FBXO46: variants seen among roughly 807,000 people sequenced by gnomAD.
FBXO46 encodes F-box only protein 46.
FBXO46 carries 13 observed loss-of-function variants against 30.7 expected under a neutral mutation model. That is an observed-to-expected ratio of 0.42 (90% CI 0.28 to 0.67). FBXO46 has a LOEUF of 0.67. FBXO46 is among the 30% of genes least tolerant of loss of function. FBXO46 has a pLI of 0.21. For missense variants in FBXO46, 754 were observed against 871.5 expected (o/e 0.87, Z 1.70); for synonymous variants, 467 against 385.8 (o/e 1.21, Z -2.47).
intron 1 of FBXO46, among the ~76,000 whole-genome samples, chr19:45,722,024 A>G (rs1968179078): frequency 6.6e-6 from 1 of 151,980 alleles, no homozygotes; most frequent in Non-Finnish European, 1.5e-5. Context: ...GGGTTTCACC[A>G]TGTTGGCCAG....
chr19:45,717,751 A>G (rs1458882034), intron 1 of FBXO46, among the ~76,000 whole-genome samples: 1 of 131,290 alleles, frequency 7.6e-6, no homozygotes, highest in Non-Finnish European at 1.6e-5. Context: ...CGGAGAGATC[A>G]GAGTATCCAG....
Position 45,712,951 on chromosome 19 carries a change from C to T in FBXO46, c.545G>A (p.Arg182Gln), listed in dbSNP as rs1968019586. The T allele has an allele frequency of 3.8e-6, 6 of 1,589,696 alleles. No homozygotes were observed. Among genetic ancestry groups the T allele is most frequent in the Non-Finnish European group, 5.1e-6 (6 of 1,167,870 alleles). Residue 182 changes from arginine (R) to glutamine (Q), a missense_variant, in exon 2 of 2, where the codon CGG (arginine) becomes CAG (glutamine). Arg to Gln is a conservative substitution (Grantham distance 43). This residue lies in a region of FBXO46 where 454 missense variants were observed against 426.5 expected (regional missense o/e 1.06). Coordinates refer to ENST00000317683, the MANE Select transcript of FBXO46 (RefSeq NM_001080469.2). This position sits in a 1 kb window ranked among gnomAD's most constrained non-coding sequence, Gnocchi z 8.8. ...VAEMVALVEQRAALALQSYPR... is the reference protein window; with the variant it reads ...VAEMVALVEQQAALALQSYPR... Reference sequence around the variant, plus strand: ...GTAGCTCTGCAGGGCCAGGGCTGCCCGCTGTTCCACCAGGGCCACCATCTC... The same window carrying T: ...GTAGCTCTGCAGGGCCAGGGCTGCCTGCTGTTCCACCAGGGCCACCATCTC...
intron 1 of FBXO46, chr19:45,716,561 A>T (rs1968092910): frequency 6.6e-6 from 1 of 152,158 alleles, no homozygotes; most frequent in Admixed American, 6.6e-5. Context: ...CTCTCCCGGA[A>T]TCCTATACTC....
At chr19:45,730,146 T>C (rs572318475) in intron 1 of FBXO46, among the ~76,000 whole-genome samples, 12 of 152,174 alleles carry the variant, frequency 7.9e-5, no homozygotes, top group African/African-American at 2.9e-4. Context: ...AATGCTGTAC[T>C]TCTCATAGGG....
upstream of FBXO46, among the ~76,000 whole-genome samples, chr19:45,731,557 C>T (rs1001895352): frequency 1.3e-5 from 2 of 151,662 alleles, no homozygotes; most frequent in East Asian, 2.0e-4. Context: ...CCTCATGATC[C>T]ACCCGCCTCG....
intron 1 of FBXO46, among the ~76,000 whole-genome samples, chr19:45,718,897 G>A (rs192343797): frequency 1.3e-4 from 19 of 151,368 alleles, no homozygotes; most frequent in African/African-American, 4.4e-4. Flanking sequence ...AAACTGGCTG[G>A]GAAAACACGA....
At chr19:45,725,099 T>C (rs1968220090) in intron 1 of FBXO46, among the ~76,000 whole-genome samples, 1 of 152,048 alleles carries the variant, frequency 6.6e-6, no homozygotes, top group Non-Finnish European at 1.5e-5. Flanking sequence ...TACTCCAGCC[T>C]GGGCAACAGA....
upstream of FBXO46, among the ~76,000 whole-genome samples, chr19:45,731,437 C>T (rs1968310979): frequency 6.6e-6 from 1 of 151,746 alleles, no homozygotes; most frequent in African/African-American, 2.4e-5. Context: ...CTGCCTGAGC[C>T]TCCTGAGTAG....
At chr19:45,732,900 T>G (rs1968344906), upstream of FBXO46, among the ~76,000 whole-genome samples, 1 of 151,884 alleles carries the variant, frequency 6.6e-6, no homozygotes, top group Non-Finnish European at 1.5e-5. Flanking sequence ...TTTCCCAACG[T>G]ATTGTTCTCT....
At chr19:45,727,638 G>C (rs1429689837) in intron 1 of FBXO46, among the ~76,000 whole-genome samples, 1 of 151,904 alleles carries the variant, frequency 6.6e-6, no homozygotes, top group Non-Finnish European at 1.5e-5. Flanking sequence ...AACAGAAGCA[G>C]GGTTTTGACC....
intron 1 of FBXO46, among the ~76,000 whole-genome samples, chr19:45,725,331 C>T (rs537186263): frequency 6.4e-4 from 98 of 152,032 alleles, no homozygotes; most frequent in African/African-American, 2.3e-3. Context: ...GAGAGGATGG[C>T]GTAAGATCAG....
At position 45,713,936 on chromosome 19, in the gene FBXO46, C is replaced by A. The variant is rs1968045360; in HGVS notation, c.-78-363G>T. Reference sequence around the variant, plus strand: ...CGAGACCAGATGGCACCATTACACTCCAGCCTGGGCGACAAGAGCGAAACT... The same window carrying A: ...CGAGACCAGATGGCACCATTACACTACAGCCTGGGCGACAAGAGCGAAACT... On this transcript the variant is annotated intron_variant, in intron 1 of 1. Transcript: ENST00000317683. This position sits in a 1 kb window ranked among gnomAD's most constrained non-coding sequence, Gnocchi z 4.7. 6.8e-6 allele frequency among the ~76,000 whole-genome samples: 1 copy of A among 147,464 alleles called. No homozygotes were observed. Among genetic ancestry groups the A allele is most frequent in the Admixed American group, 6.8e-5 (1 of 14,620 alleles).
At chr19:45,715,824 A>AG (rs1968083307) in intron 1 of FBXO46, 1 of 149,966 alleles carries the variant, frequency 6.7e-6, no homozygotes, top group South Asian at 2.1e-4. Flanking sequence ...AAAAAAAAAA[A>AG]AAGAAAGAAA....
chr19:45,720,443 A>T (rs894616206), intron 1 of FBXO46, among the ~76,000 whole-genome samples: 14 of 151,822 alleles, frequency 9.2e-5, no homozygotes, highest in Admixed American at 3.9e-4. Context: ...TAATATTTGT[A>T]TTTTTAGTAG....
intron 1 of FBXO46, among the ~76,000 whole-genome samples, chr19:45,722,712 A>C (rs997876261): frequency 6.6e-6 from 1 of 151,316 alleles, no homozygotes; most frequent in African/African-American, 2.4e-5. Flanking sequence ...CAGTGAGCCG[A>C]GATTGCGCCA....
Position 45,712,550 on chromosome 19 carries a change from G to C in FBXO46, c.946C>G (p.Arg316Gly). ...CDLYQLISPS[R>G]DALPSNVEFL... ...TCCACGTTGCTGGGGAGGGCATCCC[G>C]CGAGGGGCTGATGAGCTGGTATAAG... The change falls in exon 2 of 2, where the codon CGG (arginine) becomes GGG (glycine). Residue 316 changes from arginine to glycine, a missense_variant. Arg to Gly is a moderately radical substitution (Grantham distance 125). Transcript: ENST00000317683. This position sits in a 1 kb window ranked among gnomAD's most constrained non-coding sequence, Gnocchi z 8.8. 6.3e-7 allele frequency: 1 copy of C among 1,596,834 alleles called. No individual in the cohort carries two copies. The highest frequency in any genetic ancestry group is 8.5e-7 in the Non-Finnish European group (1 of 1,170,548).
At chr19:45,730,129 G>C (rs1968290103) in intron 1 of FBXO46, among the ~76,000 whole-genome samples, 1 of 152,010 alleles carries the variant, frequency 6.6e-6, no homozygotes, top group Non-Finnish European at 1.5e-5. Flanking sequence ...GAAGAATAGG[G>C]GATATGAATG....
intron 1 of FBXO46, among the ~76,000 whole-genome samples, chr19:45,718,148 G>A (rs939016294): frequency 2.1e-4 from 32 of 152,034 alleles, no homozygotes; most frequent in African/African-American, 7.7e-4. Flanking sequence ...CCTCCGCCCC[G>A]CAGGCAATAC....
At position 45,722,756 on chromosome 19, in the gene FBXO46, C is replaced by T. The variant is rs1407683350; in HGVS notation, c.-79+8093G>A. Among the ~76,000 whole-genome samples, 103 of 128,720 alleles carry T rather than the reference C, an allele frequency of 8.0e-4. 3 individuals carry two copies. The highest frequency in any genetic ancestry group is 2.8e-3 in the African/African-American group (97 of 34,688). The allele number at this position is 128,720 out of a possible 152,430, so 84.4% of individuals were successfully genotyped here. A position where few individuals can be genotyped will look rare whatever the true frequency, so the allele number is the denominator to read the frequency against. ...CAGCCTGGGCGACAGAGCCAGACTC[C>T]GTCTCAAAAAAAAAAAAAAGTGGGC... is the stretch of plus-strand genomic sequence containing the variant. On this transcript the variant is annotated intron_variant, in intron 1 of 1. Transcript: ENST00000317683.
Sources: gnomAD v4.1 joint callset for allele counts (sites outside exome capture counted in the v4.1 genomes callset) on GRCh38, gnomAD v4.1.1 for gene constraint, gnomAD v4.1.1 regional missense constraint, Gnocchi (gnomAD v3.1) non-coding constraint, MANE v1.5 for transcripts, NCBI Gene and HGNC (gene_info 2026-07-23, HGNC 2026-07-21) for gene names.